Variants in ADAMTS3 observed in about 807,000 individuals in gnomAD.
ADAMTS3 encodes ADAM metallopeptidase with thrombospondin type 1 motif 3, also known as A disintegrin and metalloproteinase with thrombospondin motifs 3.
Under a neutral mutation model 129.0 loss-of-function variants are expected in ADAMTS3, and 73 were observed. The ratio of observed to expected loss-of-function variants is 0.57; its 90% CI spans 0.47 to 0.69. The LOEUF is 0.69. ADAMTS3 is among the 30% of genes least tolerant of loss of function. The pLI, the probability that ADAMTS3 is intolerant of heterozygous loss-of-function variation, is 0.00. For missense variants in ADAMTS3, 1,457 were observed against 1,514.5 expected (o/e 0.96, Z 0.63); for synonymous variants, 477 against 510.8 (o/e 0.93, Z 0.89).
intron 15 of ADAMTS3, 126 bp from the exon 16 acceptor site, chr4:72,306,193 C>T (rs1245716983): frequency 9.7e-6 from 6 of 621,340 alleles, no homozygotes; most frequent in Admixed American, 3.6e-5. Flanking sequence ...TTTAAAGAAG[C>T]AGTTTCGGAA....
intron 3 of ADAMTS3, among the ~76,000 whole-genome samples, chr4:72,428,215 T>G (rs902779631): frequency 6.6e-6 from 1 of 152,038 alleles, no homozygotes; most frequent in Non-Finnish European, 1.5e-5. Flanking sequence ...CTGAAAGTCT[T>G]AATAATCTCT....
Position 72,283,582 on chromosome 4 carries a change from G to T in ADAMTS3, c.3172C>A (p.Pro1058Thr), listed in dbSNP as rs775694332. The T allele has an allele frequency of 6.2e-7, 1 of 1,614,036 alleles. No homozygotes were observed. Among genetic ancestry groups the T allele is most frequent in the Admixed American group, 1.7e-5 (1 of 60,014 alleles). Reference protein sequence around the residue: ...ESCSKRSSTLPPPYLLEAAET... With the variant: ...ESCSKRSSTLTPPYLLEAAET... ...GCAGCTTCTAGAAGGTATGGTGGTG[G>T]CAGGGTGCTACTGCGCTTGCTGCAG... is the stretch of plus-strand genomic sequence containing the variant. The change falls in exon 22 of 22, where the codon CCA (proline) becomes ACA (threonine). Residue 1058 changes from proline (P) to threonine (T), a missense_variant. Transcript: ENST00000286657.
intron 2 of ADAMTS3, among the ~76,000 whole-genome samples, chr4:72,558,654 C>T (rs1518473): frequency 0.96 from 146,029 of 151,564 alleles, 70,739 homozygotes; most frequent in East Asian, 1. Flanking sequence ...CTATCTCCCA[C>T]CCAATGTGCT....
chr4:72,362,285 G>A (rs917538786), intron 4 of ADAMTS3, among the ~76,000 whole-genome samples: 1 of 152,052 alleles, frequency 6.6e-6, no homozygotes, highest in Non-Finnish European at 1.5e-5. Flanking sequence ...GAAGTCAACT[G>A]GTCATAAGAG....
intron 3 of ADAMTS3, among the ~76,000 whole-genome samples, chr4:72,455,228 A>C (rs1718511826): frequency 6.6e-6 from 1 of 151,706 alleles, no homozygotes; most frequent in South Asian, 2.1e-4. Flanking sequence ...CAAATATAGA[A>C]AAAACTTAGA....
At chr4:72,528,428 G>T (rs1474010509) in intron 3 of ADAMTS3, among the ~76,000 whole-genome samples, 1 of 149,626 alleles carries the variant, frequency 6.7e-6, no homozygotes, top group African/African-American at 2.5e-5. Context: ...TGATTACTCT[G>T]ATTTTATCAT....
chr4:72,328,300 T>C (rs1037827075), intron 5 of ADAMTS3, among the ~76,000 whole-genome samples: 23 of 152,216 alleles, frequency 1.5e-4, no homozygotes, highest in African/African-American at 4.8e-4. Flanking sequence ...TCAAATCAAG[T>C]ATTCCTTTCC....
intron 19 of ADAMTS3, among the ~76,000 whole-genome samples, chr4:72,293,644 A>G (rs1199742207): frequency 6.6e-6 from 1 of 152,124 alleles, no homozygotes; most frequent in East Asian, 1.9e-4. Context: ...ATCACCCTAT[A>G]GTTGAGCCCA....
chr4:72,402,960 C>CTTT (rs1721962083), intron 4 of ADAMTS3, among the ~76,000 whole-genome samples: 1 of 152,076 alleles, frequency 6.6e-6, no homozygotes, highest in Non-Finnish European at 1.5e-5. Context: ...GTCCCTATAC[C>CTTT]TGGAAATACC....
chr4:72,513,054 C>A (rs1720359300), intron 3 of ADAMTS3, among the ~76,000 whole-genome samples: 1 of 152,172 alleles, frequency 6.6e-6, no homozygotes, highest in South Asian at 2.1e-4. Flanking sequence ...TCAGTTACCT[C>A]CTTTAAAAGT....
At chr4:72,505,143 G>A (rs1366978259) in intron 3 of ADAMTS3, among the ~76,000 whole-genome samples, 1 of 152,160 alleles carries the variant, frequency 6.6e-6, no homozygotes, top group Non-Finnish European at 1.5e-5. Context: ...ATTTTTCATG[G>A]TGTCAGAATT....
intron 4 of ADAMTS3, among the ~76,000 whole-genome samples, chr4:72,354,289 C>T (rs2109847781): frequency 6.6e-6 from 1 of 152,122 alleles, no homozygotes; most frequent in African/African-American, 2.4e-5. Context: ...CCAGTCTAAG[C>T]TTCAGTCAGT....
intron 3 of ADAMTS3, among the ~76,000 whole-genome samples, chr4:72,516,955 A>G (rs1317032734): frequency 1.3e-5 from 2 of 152,140 alleles, no homozygotes; most frequent in African/African-American, 2.4e-5. Context: ...CCCATTCAGT[A>G]TGATATTAGC....
chr4:72,363,669 C>T (rs116824918), intron 4 of ADAMTS3, among the ~76,000 whole-genome samples: 1,623 of 151,814 alleles, frequency 0.011, 23 homozygotes, highest in African/African-American at 0.037. Flanking sequence ...ATGTAATAAA[C>T]GGATACCTGT....
chr4:72,312,575 CAA>C (rs1219563125), intron 12 of ADAMTS3, 109 bp from the exon 13 acceptor site: 78 of 1,000,024 alleles, frequency 7.8e-5, no homozygotes, highest in Non-Finnish European at 1.1e-4. Flanking sequence ...GCTGCCAGCA[CAA>C]AGTGAATGAA....
Position 72,548,893 on chromosome 4 carries a change from T to A in ADAMTS3, c.98-9A>T. 6.3e-7 allele frequency: 1 copy of A among 1,597,388 alleles called. No homozygotes were observed. Among genetic ancestry groups the A allele is most frequent in the African/African-American group, 1.3e-5 (1 of 74,614 alleles). ...TCTCTTTATTGGTAAATCTGTGGGGTGAAAAACAGAACTGTCAAACCCTGT... is the reference window on the plus strand; with the variant it reads ...TCTCTTTATTGGTAAATCTGTGGGGAGAAAAACAGAACTGTCAAACCCTGT... On this transcript the variant is annotated splice_polypyrimidine_tract_variant and intron_variant, in intron 2 of 21. Coordinates refer to ENST00000286657, the MANE Select transcript of ADAMTS3 (RefSeq NM_014243.3).
chr4:72,531,041 T>C (rs1721028973), intron 3 of ADAMTS3, among the ~76,000 whole-genome samples: 1 of 151,336 alleles, frequency 6.6e-6, no homozygotes, highest in Non-Finnish European at 1.5e-5. Flanking sequence ...GAAATGCCAA[T>C]GCAGCTTCTA....
intron 3 of ADAMTS3, among the ~76,000 whole-genome samples, chr4:72,434,906 G>A (rs192429566): frequency 9.0e-4 from 136 of 151,912 alleles, no homozygotes; most frequent in African/African-American, 2.4e-3. Flanking sequence ...TGGCCTCTAG[G>A]AGAAAAGATT....
At chr4:72,478,051 T>G (rs1039140071) in intron 3 of ADAMTS3, among the ~76,000 whole-genome samples, 2 of 152,166 alleles carry the variant, frequency 1.3e-5, no homozygotes, top group African/African-American at 4.8e-5. Flanking sequence ...CAATAATCAA[T>G]AGCTTACCAA....
Sources: allele counts gnomAD v4.1 joint callset (sites outside exome capture counted in the v4.1 genomes callset), GRCh38; gene constraint gnomAD v4.1.1; transcripts MANE v1.5; gene names NCBI Gene and HGNC (gene_info 2026-07-23, HGNC 2026-07-21).